RPS10: variants seen among roughly 807,000 people sequenced by gnomAD.
The protein encoded by RPS10 is small ribosomal subunit protein eS10.
RPS10 carries 2 observed loss-of-function variants against 22.6 expected under a neutral mutation model. The observed-to-expected ratio is 0.09, with a 90% CI of 0.04 to 0.28. The LOEUF is 0.28. Ranked by LOEUF, RPS10 falls within the 10% of genes least tolerant of loss-of-function variation. The pLI, the probability that RPS10 is intolerant of heterozygous loss-of-function variation, is 1.00. For missense variants in RPS10, 137 were observed against 222.2 expected, an observed-to-expected ratio of 0.62 and a Z score of 2.44; for synonymous variants, 70 against 75.9, an observed-to-expected ratio of 0.92 and a Z score of 0.40.
chr6:34,425,341 C>T, intron 1 of RPS10, 120 bp from the exon 2 acceptor site: 2 of 1,310,742 alleles, frequency 1.5e-6, no homozygotes, highest in East Asian at 2.5e-5. Flanking sequence ...GGTGGGAAGA[C>T]TCAACTCCAC....
chr6:34,419,490 T>C (rs1328569310), intron 4 of RPS10, among the ~76,000 whole-genome samples: 2 of 152,160 alleles, frequency 1.3e-5, no homozygotes, highest in South Asian at 2.1e-4. Context: ...AAAAAAAGAA[T>C]GTAAAATATT....
At chr6:34,424,375 G>A (rs1017629452) in intron 3 of RPS10, 3 of 411,244 alleles carry the variant, frequency 7.3e-6, no homozygotes, top group East Asian at 5.2e-5. Context: ...ATAGTACAAC[G>A]CACTCTGCGG....
At chr6:34,418,223 AAATTTGG>A in intron 5 of RPS10, 139 bp downstream of exon 5, 2 of 1,541,402 alleles carry the variant, frequency 1.3e-6, no homozygotes, top group Middle Eastern at 2.2e-4. Context: ...ACTCAATGTA[AAATTTGG>A]AATTTGGAAA....
intron 3 of RPS10, among the ~76,000 whole-genome samples, chr6:34,422,462 G>A (rs1186333844): frequency 6.6e-6 from 1 of 152,160 alleles, no homozygotes; most frequent in African/African-American, 2.4e-5. Context: ...TTACATGCAC[G>A]TGCCACCACG....
intron 3 of RPS10, chr6:34,424,154 A>AAAAAAAAAAAAAAAAAAAAAAAAC (rs1765868552): frequency 6.7e-6 from 1 of 150,198 alleles, no homozygotes; most frequent in African/African-American, 2.5e-5. Context: ...AAAAAAAAAA[A>AAAAAAAAAAAAAAAAAAAAAAAAC]AAAAAAAAAA....
chr6:34,425,595 A>G, intron 1 of RPS10: 1 of 318,210 alleles, frequency 3.1e-6, no homozygotes, highest in Non-Finnish European at 6.2e-6. Context: ...TAAGGTACGC[A>G]GGGAAGGCCC....
intron 3 of RPS10, 172 bp downstream of exon 3, chr6:34,424,497 A>C: frequency 1.2e-6 from 1 of 801,056 alleles, no homozygotes; most frequent in South Asian, 1.6e-5. Flanking sequence ...GGCCTGAAGA[A>C]CTGAGTCTAG....
chr6:34,424,530 TG>T, intron 3 of RPS10, 138 bp downstream of exon 3: 1 of 1,182,452 alleles, frequency 8.5e-7, no homozygotes, highest in Non-Finnish European at 1.2e-6. Context: ...TCCCAAGCCA[TG>T]GGACAAAGGT....
chr6:34,424,804 C>T lies in RPS10; in HGVS notation c.187G>A (p.Ala63Thr), dbSNP rs766328715. Reference protein sequence around the residue: ...KSRGYVKEQFAWRHFYWYLTN... With the variant: ...KSRGYVKEQFTWRHFYWYLTN... ...AGGTACCAGTAGAAATGTCTCCAGG[C>T]AAACTGTTCCTTCACGTAGCCTCGG... Residue 63 changes from alanine to threonine, a missense_variant, in exon 3 of 6, where the codon GCC becomes ACC. Coordinates refer to ENST00000648437, the MANE Select transcript of RPS10 (RefSeq NM_001014.5). 2 of 1,613,974 alleles carry T rather than the reference C, an allele frequency of 1.2e-6. No individual in the cohort carries two copies. Among genetic ancestry groups the T allele is most frequent in the South Asian group, 2.2e-5 (2 of 91,092 alleles).
Position 34,424,679 on chromosome 6 carries a change from A to G in RPS10, c.312T>C (p.Pro104=). The change falls in exon 3 of 6, where the codon CCT becomes CCC. Residue 104 remains proline, a synonymous_variant. Transcript: ENST00000648437. The stretch of plus-strand genomic sequence containing the variant: ...GTGTGGGAACCATACCTTTAGGCCG[A>G]GGCCTGCCAGTCTCTGGACGGCTAC... The part of the protein sequence containing the change: ...LRRSRPETGR[P]RPKGLEGERP... The G allele has an allele frequency of 6.2e-7, 1 of 1,614,138 alleles. No homozygotes were observed. The highest frequency in any genetic ancestry group is 8.5e-7 in the Non-Finnish European group (1 of 1,179,994).
chr6:34,418,024 A>C, intron 5 of RPS10: 2 of 713,970 alleles, frequency 2.8e-6, no homozygotes, highest in Non-Finnish European at 4.7e-6. Context: ...GAACCTACCT[A>C]ACATTACATC....
intron 3 of RPS10, chr6:34,424,162 A>AAAAAAAAAAAAAAAAAAAC (rs1561939860): frequency 2.0e-5 from 3 of 150,854 alleles, no homozygotes; most frequent in East Asian, 1.9e-4. Flanking sequence ...AAAAAAAAAA[A>AAAAAAAAAAAAAAAAAAAC]AAGCAACTGT....
Position 34,424,697 on chromosome 6 carries a change from A to G in RPS10, c.294T>C (p.Arg98=), listed in dbSNP as rs577541633. 1.2e-6 allele frequency: 2 copies of G among 1,614,160 alleles called. No homozygotes were observed. Among genetic ancestry groups the G allele is most frequent in the African/African-American group, 1.3e-5 (1 of 75,058 alleles). ...EIVPATLRRS[R]PETGRPRPKG... ...TAGGCCGAGGCCTGCCAGTCTCTGG[A>G]CGGCTACGGCGTAGGGTGGCAGGCA... Residue 98 remains arginine (R), a synonymous_variant, in exon 3 of 6, where the codon CGT becomes CGC. Coordinates refer to ENST00000648437, the MANE Select transcript of RPS10 (RefSeq NM_001014.5).
chr6:34,423,213 T>C (rs887839234), intron 3 of RPS10, among the ~76,000 whole-genome samples: 4 of 152,100 alleles, frequency 2.6e-5, no homozygotes, highest in Non-Finnish European at 5.9e-5. Flanking sequence ...TGCTTTGTTG[T>C]TCAGGCTGAG....
chr6:34,421,660 G>A, intron 4 of RPS10, 70 bp downstream of exon 4: 1 of 1,580,982 alleles, frequency 6.3e-7, no homozygotes. Context: ...GCCCCACCCA[G>A]CCAGAGCCAG....
At chr6:34,419,050 C>T (rs1765670815) in intron 4 of RPS10, among the ~76,000 whole-genome samples, 1 of 152,078 alleles carries the variant, frequency 6.6e-6, no homozygotes, top group South Asian at 2.1e-4. Flanking sequence ...CTGAATTTCG[C>T]TCTTGTTGCC....
chr6:34,418,083 G>A lies in RPS10; in HGVS notation c.456+286C>T, dbSNP rs550174277. ...GATTTCATACCATCTTGGTTCTTAA[G>A]CCCACCCACCTTCCAGTGTTTAGTT... On this transcript the variant is annotated intron_variant, in intron 5 of 5. Transcript: ENST00000648437. 1.6e-5 allele frequency: 19 copies of A among 1,172,596 alleles called. 1 individual carries two copies. In the Admixed American group the frequency reaches 4.7e-4, roughly 29 times the overall value. 72.6% of individuals were successfully genotyped at this position (1,172,596 alleles called of 1,614,324 possible).
chr6:34,423,080 CAA>C (rs1168745643), intron 3 of RPS10, among the ~76,000 whole-genome samples: 4 of 152,004 alleles, frequency 2.6e-5, no homozygotes, highest in African/African-American at 9.7e-5. Context: ...AACAAACAAA[CAA>C]ACACAATCAG....
At position 34,425,186 on chromosome 6, in the gene RPS10, A is replaced by G; in HGVS notation, c.36T>C (p.Tyr12=). 1.2e-6 allele frequency: 2 copies of G among 1,613,396 alleles called. No individual in the cohort carries two copies. Among genetic ancestry groups the G allele is most frequent in the South Asian group, 2.2e-5 (2 of 91,000 alleles). Residue 12 remains tyrosine (Y), a synonymous_variant, in exon 2 of 6, where the codon TAT becomes TAC. Transcript: ENST00000648437. ...TGACTCCCTCCTTAAAAAGGAGTTC[A>G]TAAATGGCAATCCGGTTCTTCTTAG... ...LMPKKNRIAI[Y]ELLFKEGVMV... is the part of the protein sequence containing the mutation.
Sources: gnomAD v4.1 joint callset for allele counts (sites outside exome capture counted in the v4.1 genomes callset) on GRCh38, gnomAD v4.1.1 for gene constraint, MANE v1.5 for transcripts, NCBI Gene and HGNC (gene_info 2026-07-23, HGNC 2026-07-21) for gene names.